The following GALNT13 variants were observed in gnomAD, a reference collection of about 807,000 sequenced individuals.
GALNT13 encodes polypeptide N-acetylgalactosaminyltransferase 13, also known as UDP-GalNAc:polypeptide N-acetylgalactosaminyltransferase 13.
In GALNT13, 28 loss-of-function variants were observed where a neutral mutation model predicts 64.2. That is an observed-to-expected ratio of 0.44 (90% CI 0.32 to 0.60). The LOEUF (loss-of-function observed/expected upper bound fraction) is 0.60. Ranked by LOEUF, GALNT13 falls within the 20% of genes least tolerant of loss-of-function variation. The pLI is 0.05. For synonymous variants in GALNT13, 214 were observed against 224.6 expected, an observed-to-expected ratio of 0.95 and a Z score of 0.42; for missense variants, 577 against 669.8, an observed-to-expected ratio of 0.86 and a Z score of 1.53.
the GALNT13 span, among the ~76,000 whole-genome samples, chr2:153,207,612 G>A: frequency 2.0e-5 from 3 of 152,048 alleles, no homozygotes; most frequent in Non-Finnish European, 4.4e-5. Flanking sequence ...CATAAGAAGA[G>A]AAAGATAAAG....
At chr2:153,553,370 C>T in the GALNT13 span, among the ~76,000 whole-genome samples, 2 of 151,908 alleles carry the variant, frequency 1.3e-5, no homozygotes, top group African/African-American at 4.8e-5. Context: ...GTGGCCTGTG[C>T]CTGTGCCTGT....
At chr2:154,124,944 C>G (rs1223957732) in intron 3 of GALNT13, among the ~76,000 whole-genome samples, 1 of 152,052 alleles carries the variant, frequency 6.6e-6, no homozygotes. Flanking sequence ...AGATTTTGAA[C>G]ATTTAGTGGT....
At chr2:154,150,743 G>T (rs186827610) in intron 4 of GALNT13, among the ~76,000 whole-genome samples, 235 of 152,240 alleles carry the variant, frequency 1.5e-3, no homozygotes, top group African/African-American at 5.5e-3. Context: ...TTCTCAGATG[G>T]TAGTTTGTTT....
Position 154,300,775 on chromosome 2 carries a change from T to C in GALNT13, c.976-634T>C, listed in dbSNP as rs2105094076. On this transcript the variant is annotated intron_variant, in intron 8 of 12. Coordinates refer to ENST00000392825, the MANE Select transcript of GALNT13 (RefSeq NM_052917.4). ...CTAAGAATTTATAGTTTTAAAGGAG[T>C]GATAAGGAAGTGAATAATTGTAATC... is the stretch of plus-strand genomic sequence containing the variant. Among the ~76,000 whole-genome samples the C allele has an allele frequency of 1.3e-5, 2 of 151,860 alleles. 1 individual carries two copies. The highest frequency in any genetic ancestry group is 4.2e-4 in the South Asian group (2 of 4,804).
At chr2:153,255,933 C>T in the GALNT13 span, among the ~76,000 whole-genome samples, 2 of 152,122 alleles carry the variant, frequency 1.3e-5, no homozygotes, top group African/African-American at 4.8e-5. Context: ...GTGAATCTGA[C>T]AATTATGTGT....
At chr2:153,699,667 C>T in the GALNT13 span, among the ~76,000 whole-genome samples, 171 of 152,280 alleles carry the variant, frequency 1.1e-3, 2 homozygotes, top group African/African-American at 3.9e-3. Flanking sequence ...AATATCACCA[C>T]TGACCCTACA....
At chr2:153,169,966 G>A in the GALNT13 span, among the ~76,000 whole-genome samples, 53 of 152,134 alleles carry the variant, frequency 3.5e-4, no homozygotes, top group East Asian at 8.7e-3. Flanking sequence ...AATTAAGCTT[G>A]GGAATATGTT....
chr2:153,340,793 T>G, the GALNT13 span, among the ~76,000 whole-genome samples: 1 of 152,184 alleles, frequency 6.6e-6, no homozygotes, highest in Admixed American at 6.5e-5. Flanking sequence ...GATGTTAAAT[T>G]TTTTCAAATG....
At chr2:153,747,344 C>T in the GALNT13 span, among the ~76,000 whole-genome samples, 1 of 151,694 alleles carries the variant, frequency 6.6e-6, no homozygotes, top group East Asian at 1.9e-4. Flanking sequence ...CCCCACATCC[C>T]ACCCCCTGAA....
chr2:153,197,078 T>C, the GALNT13 span, among the ~76,000 whole-genome samples: 1 of 151,038 alleles, frequency 6.6e-6, no homozygotes, highest in African/African-American at 2.4e-5. Context: ...GTGTAGGTGG[T>C]GGTGGTGGTG....
chr2:153,711,069 G>C, the GALNT13 span, among the ~76,000 whole-genome samples: 2 of 151,954 alleles, frequency 1.3e-5, no homozygotes, highest in Non-Finnish European at 2.9e-5. Context: ...CTTTCTCTGA[G>C]CCTTGCCACA....
chr2:153,103,681 T>C, the GALNT13 span, among the ~76,000 whole-genome samples: 2 of 152,212 alleles, frequency 1.3e-5, no homozygotes, highest in Non-Finnish European at 2.9e-5. Flanking sequence ...TATTTGAAAG[T>C]CTTTTTTGGT....
At chr2:153,171,760 G>A in the GALNT13 span, among the ~76,000 whole-genome samples, 27 of 152,258 alleles carry the variant, frequency 1.8e-4, no homozygotes, top group African/African-American at 6.5e-4. Flanking sequence ...AACCTAAAAT[G>A]GCCTTATCTT....
At chr2:153,138,791 T>C in the GALNT13 span, among the ~76,000 whole-genome samples, 1 of 152,198 alleles carries the variant, frequency 6.6e-6, no homozygotes, top group South Asian at 2.1e-4. Flanking sequence ...TCGCAATCTC[T>C]TGACTACTGG....
chr2:154,432,433 G>A (rs1470869796), intron 11 of GALNT13, among the ~76,000 whole-genome samples: 2 of 152,200 alleles, frequency 1.3e-5, no homozygotes, highest in Non-Finnish European at 2.9e-5. Context: ...CAACCAGCAT[G>A]AGGAGGAAAA....
chr2:154,257,218 T>C (rs1477435248), intron 7 of GALNT13, among the ~76,000 whole-genome samples: 1 of 152,170 alleles, frequency 6.6e-6, no homozygotes, highest in Non-Finnish European at 1.5e-5. Flanking sequence ...TAGCCACTTA[T>C]ACATTTCTCA....
intron 9 of GALNT13, among the ~76,000 whole-genome samples, chr2:154,357,204 A>G (rs1696801401): frequency 6.6e-6 from 1 of 151,932 alleles, no homozygotes; most frequent in South Asian, 2.1e-4. Context: ...AATCTCTAAG[A>G]TCTCTTTTAG....
At chr2:153,239,464 G>A in the GALNT13 span, among the ~76,000 whole-genome samples, 1 of 152,074 alleles carries the variant, frequency 6.6e-6, no homozygotes, top group Non-Finnish European at 1.5e-5. Context: ...GATACTATGT[G>A]TCTGTTTCAA....
At chr2:153,096,408 C>T in the GALNT13 span, among the ~76,000 whole-genome samples, 2 of 152,190 alleles carry the variant, frequency 1.3e-5, no homozygotes, top group East Asian at 3.9e-4. Context: ...CAGATGAGCC[C>T]TGATAGTTCT....
Sources: allele counts gnomAD v4.1 joint callset (sites outside exome capture counted in the v4.1 genomes callset), GRCh38; gene constraint gnomAD v4.1.1; transcripts MANE v1.5; gene names NCBI Gene and HGNC (gene_info 2026-07-23, HGNC 2026-07-21).